ATXN7L1: variants seen among roughly 807,000 people sequenced by gnomAD.
ATXN7L1 encodes the protein ataxin 7 like 1, also known as ataxin-7-like protein 1.
In ATXN7L1, 15 loss-of-function variants were observed where a neutral mutation model predicts 70.8. The observed-to-expected ratio is 0.21, with a 90% CI of 0.14 to 0.33. The LOEUF is 0.33. Among genes scored for constraint, ATXN7L1 ranks in the 10% least tolerant of loss-of-function variants. The pLI, the probability that ATXN7L1 is intolerant of heterozygous loss-of-function variation, is 1.00. For missense variants in ATXN7L1, 975 were observed against 1,097.1 expected, an observed-to-expected ratio of 0.89 and a Z score of 1.57; for synonymous variants, 440 against 445.1, an observed-to-expected ratio of 0.99 and a Z score of 0.14.
chr7:105,780,638 G>C (rs989816774), intron 3 of ATXN7L1, among the ~76,000 whole-genome samples: 1 of 151,998 alleles, frequency 6.6e-6, no homozygotes, highest in African/African-American at 2.4e-5. Context: ...CTTCTGCTGA[G>C]AGGACTAGTG....
rs1797927078 is a variant in ATXN7L1 at position 105,740,784 on chromosome 7, TAA to T, written c.355+47818_355+47819del. 2.7e-4 allele frequency among the ~76,000 whole-genome samples: 21 copies of T among 77,910 alleles called. 2 individuals are homozygous for T. Among genetic ancestry groups the T allele is most frequent in the East Asian group, 2.0e-3 (3 of 1,502 alleles). 51.1% of individuals were successfully genotyped at this position (77,910 alleles called of 152,430 possible). A position where few individuals can be genotyped will look rare whatever the true frequency, so the allele number is the denominator to read the frequency against. ...GGCTCCATTCATTTTTTTTTTTTTT[TAA>T]TGGAGTCTCACTCTGTCGCCCAGGC... On this transcript the variant is annotated intron_variant, in intron 3 of 11. Transcript: ENST00000419735.
intron 2 of ATXN7L1, among the ~76,000 whole-genome samples, chr7:105,869,727 C>T (rs1439193763): frequency 2.0e-5 from 3 of 152,104 alleles, no homozygotes; most frequent in East Asian, 1.9e-4. Context: ...CATGTGGGAA[C>T]GTTAAAACAC....
intron 3 of ATXN7L1, among the ~76,000 whole-genome samples, chr7:105,698,347 T>C (rs1010972120): frequency 1.3e-5 from 2 of 152,148 alleles, no homozygotes; most frequent in African/African-American, 4.8e-5. Flanking sequence ...TGGGGCTACA[T>C]ATGCTAGATT....
chr7:105,864,216 G>C (rs940644744), intron 2 of ATXN7L1, among the ~76,000 whole-genome samples: 2 of 152,052 alleles, frequency 1.3e-5, no homozygotes, highest in Non-Finnish European at 2.9e-5. Flanking sequence ...AGAACTTTGA[G>C]AGGCCGAGGT....
At chr7:105,727,744 G>T (rs867511075) in intron 3 of ATXN7L1, among the ~76,000 whole-genome samples, 1 of 31,708 alleles carries the variant, frequency 3.2e-5, no homozygotes, top group Non-Finnish European at 4.9e-5. Flanking sequence ...GTGTGTATGT[G>T]TGTATATATA....
At chr7:105,640,416 G>T (rs1023831789) in intron 5 of ATXN7L1, among the ~76,000 whole-genome samples, 3 of 152,238 alleles carry the variant, frequency 2.0e-5, no homozygotes, top group Non-Finnish European at 4.4e-5. Flanking sequence ...CAGCTTGTGC[G>T]GAGGTTACTT....
At chr7:105,809,317 T>C (rs1426153201) in intron 2 of ATXN7L1, among the ~76,000 whole-genome samples, 4 of 152,206 alleles carry the variant, frequency 2.6e-5, no homozygotes, top group African/African-American at 7.2e-5. Flanking sequence ...TGTGAGTGTA[T>C]AGTACAGTAT....
chr7:105,665,024 A>AG (rs544651032), intron 4 of ATXN7L1, 42 bp downstream of exon 4: 1 of 1,494,226 alleles, frequency 6.7e-7, no homozygotes, highest in East Asian at 2.5e-5. Flanking sequence ...CAGGAACAGC[A>AG]GGGGGGACAG....
intron 2 of ATXN7L1, among the ~76,000 whole-genome samples, 183 bp downstream of exon 2, chr7:105,875,629 C>CCT (rs370097360): frequency 8.8e-6 from 1 of 113,806 alleles, no homozygotes; most frequent in South Asian, 4.3e-4. Context: ...CCCCCTTTAC[C>CCT]CCCCCCCCAG....
intron 4 of ATXN7L1, among the ~76,000 whole-genome samples, chr7:105,663,972 G>A (rs534506048): frequency 2.0e-5 from 3 of 152,022 alleles, no homozygotes; most frequent in South Asian, 2.1e-4. Context: ...GTTTCGCCAC[G>A]TTGGTCAGGC....
At chr7:105,854,750 T>C (rs936729375) in intron 2 of ATXN7L1, among the ~76,000 whole-genome samples, 12 of 152,086 alleles carry the variant, frequency 7.9e-5, no homozygotes, top group Non-Finnish European at 1.2e-4. Context: ...GCTTTGCAGT[T>C]GTAAGCTGGG....
intron 2 of ATXN7L1, among the ~76,000 whole-genome samples, chr7:105,868,621 G>A (rs1004285585): frequency 3.3e-5 from 5 of 150,472 alleles, no homozygotes; most frequent in African/African-American, 9.7e-5. Flanking sequence ...AATTATATAT[G>A]TATCTACTTG....
At chr7:105,628,357 G>A (rs2115836986) in intron 7 of ATXN7L1, among the ~76,000 whole-genome samples, 1 of 151,826 alleles carries the variant, frequency 6.6e-6, no homozygotes, top group East Asian at 1.9e-4. Context: ...ATGAAAAATA[G>A]GAAAAACAAA....
intron 3 of ATXN7L1, among the ~76,000 whole-genome samples, chr7:105,776,148 A>G (rs1802696457): frequency 6.6e-6 from 1 of 152,170 alleles, no homozygotes; most frequent in Non-Finnish European, 1.5e-5. Flanking sequence ...TCCTCGGTGG[A>G]TACAGCTCTG....
At chr7:105,748,221 A>C (rs1354436239) in intron 3 of ATXN7L1, among the ~76,000 whole-genome samples, 1 of 152,210 alleles carries the variant, frequency 6.6e-6, no homozygotes, top group African/African-American at 2.4e-5. Context: ...ACCCAACTCT[A>C]ATAAAATGAT....
chr7:105,802,245 C>G (rs1457835717), intron 2 of ATXN7L1, among the ~76,000 whole-genome samples: 1 of 152,166 alleles, frequency 6.6e-6, no homozygotes, highest in Admixed American at 6.5e-5. Flanking sequence ...CCGAGGGCTG[C>G]CCAGTGGCCT....
intron 3 of ATXN7L1, among the ~76,000 whole-genome samples, chr7:105,674,738 T>C (rs1331180967): frequency 6.6e-6 from 1 of 152,216 alleles, no homozygotes; most frequent in African/African-American, 2.4e-5. Flanking sequence ...TTTTAACTTT[T>C]CCCCTGTGGT....
intron 3 of ATXN7L1, among the ~76,000 whole-genome samples, chr7:105,765,330 C>A (rs926630429): frequency 2.1e-4 from 29 of 139,020 alleles, no homozygotes; most frequent in African/African-American, 7.1e-4. Flanking sequence ...AAAAAAAAAA[C>A]CCTCTAAATA....
chr7:105,713,879 A>C (rs780585152), intron 3 of ATXN7L1, among the ~76,000 whole-genome samples: 1 of 152,230 alleles, frequency 6.6e-6, no homozygotes, highest in Non-Finnish European at 1.5e-5. Context: ...CCAGAGGTAC[A>C]TGAGGGCTCT....
Sources: allele counts gnomAD v4.1 joint callset (sites outside exome capture counted in the v4.1 genomes callset), GRCh38; gene constraint gnomAD v4.1.1; transcripts MANE v1.5; gene names NCBI Gene and HGNC (gene_info 2026-07-23, HGNC 2026-07-21).